The following SGCZ variants were observed in gnomAD, a reference collection of about 807,000 sequenced individuals.
The protein encoded by SGCZ is sarcoglycan zeta.
Under a neutral mutation model 41.3 loss-of-function variants are expected in SGCZ, and 40 were observed. That is an observed-to-expected ratio of 0.97 (90% CI 0.75 to 1.26). The LOEUF (loss-of-function observed/expected upper bound fraction) is 1.26. Among genes scored for constraint, SGCZ ranks in the 50% most tolerant of loss-of-function variants. SGCZ has a pLI of 0.00. For missense variants in SGCZ, 552 were observed against 369.8 expected (o/e 1.49, Z -4.04); for synonymous variants, 206 against 137.5 (o/e 1.50, Z -3.49).
At chr8:14,406,364 C>T (rs1799212051) in intron 2 of SGCZ, among the ~76,000 whole-genome samples, 1 of 152,120 alleles carries the variant, frequency 6.6e-6, no homozygotes, top group Non-Finnish European at 1.5e-5. Flanking sequence ...TCACAGATGG[C>T]TGAAATTTTT....
At chr8:14,870,271 C>T (rs1354404602) in intron 1 of SGCZ, among the ~76,000 whole-genome samples, 1 of 152,054 alleles carries the variant, frequency 6.6e-6, no homozygotes, top group Non-Finnish European at 1.5e-5. Flanking sequence ...TACCACACAT[C>T]TACAACCATT....
intron 4 of SGCZ, among the ~76,000 whole-genome samples, chr8:14,184,961 T>C (rs1042890012): frequency 6.6e-6 from 1 of 152,256 alleles, no homozygotes; most frequent in African/African-American, 2.4e-5. Context: ...ATTATGTCTC[T>C]ATCGTCTAAT....
chr8:15,154,179 T>C (rs1015594211), intron 1 of SGCZ, among the ~76,000 whole-genome samples: 8 of 152,132 alleles, frequency 5.3e-5, no homozygotes, highest in African/African-American at 1.7e-4. Flanking sequence ...CAGTATCTGG[T>C]TTTTCTTTAT....
intron 1 of SGCZ, among the ~76,000 whole-genome samples, chr8:15,005,634 C>T (rs1802588021): frequency 9.7e-6 from 1 of 103,016 alleles, no homozygotes; most frequent in Admixed American, 1.1e-4. Flanking sequence ...ACCCGGCAAT[C>T]CCCCATTTTT....
At chr8:14,999,940 C>T (rs1006134952) in intron 1 of SGCZ, among the ~76,000 whole-genome samples, 4 of 152,082 alleles carry the variant, frequency 2.6e-5, no homozygotes, top group South Asian at 2.1e-4. Flanking sequence ...TGCCTTCTTC[C>T]GCCTACACCC....
At chr8:14,790,416 GT>G (rs1411172965) in intron 1 of SGCZ, among the ~76,000 whole-genome samples, 1 of 152,236 alleles carries the variant, frequency 6.6e-6, no homozygotes, top group Non-Finnish European at 1.5e-5. Flanking sequence ...AATGTACACT[GT>G]ATTTCAGTTG....
At chr8:14,444,581 A>G (rs1233243132) in intron 2 of SGCZ, among the ~76,000 whole-genome samples, 1 of 150,298 alleles carries the variant, frequency 6.7e-6, no homozygotes, top group African/African-American at 2.5e-5. Flanking sequence ...CAAACACCAC[A>G]TATTCTCACT....
chr8:15,141,696 G>A (rs575062624), intron 1 of SGCZ, among the ~76,000 whole-genome samples: 2 of 152,286 alleles, frequency 1.3e-5, no homozygotes, highest in African/African-American at 4.8e-5. Context: ...GAGGTCAGGA[G>A]ATCAAGAGCA....
intron 1 of SGCZ, among the ~76,000 whole-genome samples, chr8:14,620,138 A>G (rs1453429826): frequency 6.6e-6 from 1 of 152,156 alleles, no homozygotes; most frequent in East Asian, 1.9e-4. Flanking sequence ...AATACCACAC[A>G]TCTACAACCA....
intron 1 of SGCZ, among the ~76,000 whole-genome samples, chr8:15,155,462 C>A (rs573812165): frequency 1.3e-5 from 2 of 152,138 alleles, no homozygotes; most frequent in African/African-American, 4.8e-5. Flanking sequence ...CTATCTTGAC[C>A]TAGCAACTTC....
rs148487875 is a variant in SGCZ, at chr8:14,513,014, A to G, written c.234+41718T>C. ...GGGATATATGCGGGAAAGCTGATAAAGTTCCAAATCTTGTTCGTGCCTTGC... is the reference window on the plus strand; with the variant it reads ...GGGATATATGCGGGAAAGCTGATAAGGTTCCAAATCTTGTTCGTGCCTTGC... On this transcript the variant is annotated intron_variant, in intron 2 of 7. Transcript: ENST00000382080. 2.5e-3 allele frequency among the ~76,000 whole-genome samples: 377 copies of G among 152,266 alleles called. 2 individuals are homozygous for G. The highest frequency in any genetic ancestry group is 8.6e-3 in the African/African-American group (356 of 41,554).
chr8:14,473,727 G>A (rs1411689907), intron 2 of SGCZ, among the ~76,000 whole-genome samples: 2 of 152,042 alleles, frequency 1.3e-5, no homozygotes, highest in African/African-American at 4.8e-5. Flanking sequence ...CACGAGGTCA[G>A]GAGATCGAGA....
chr8:14,181,325 A>G (rs1248931313), intron 4 of SGCZ, among the ~76,000 whole-genome samples: 1 of 152,180 alleles, frequency 6.6e-6, no homozygotes, highest in Non-Finnish European at 1.5e-5. Flanking sequence ...ACCTCCCCCT[A>G]TCAAATGGTA....
chr8:14,421,574 A>C (rs1799638026), intron 2 of SGCZ, among the ~76,000 whole-genome samples: 1 of 152,078 alleles, frequency 6.6e-6, no homozygotes, highest in Non-Finnish European at 1.5e-5. Context: ...GGACACAATC[A>C]ACCTATGGTG....
At chr8:14,377,323 C>T (rs558374737) in intron 2 of SGCZ, among the ~76,000 whole-genome samples, 1 of 152,012 alleles carries the variant, frequency 6.6e-6, no homozygotes, top group Non-Finnish European at 1.5e-5. Context: ...GGTGTGCATG[C>T]AGAGGTACCC....
At chr8:14,493,355 C>CT (rs1563365484) in intron 2 of SGCZ, among the ~76,000 whole-genome samples, 1 of 66,242 alleles carries the variant, frequency 1.5e-5, no homozygotes, top group Non-Finnish European at 3.0e-5. Context: ...CACTATCATC[C>CT]TTTCTTTTTT....
At chr8:14,337,959 G>C (rs1210996783) in intron 2 of SGCZ, among the ~76,000 whole-genome samples, 1 of 152,154 alleles carries the variant, frequency 6.6e-6, no homozygotes, top group African/African-American at 2.4e-5. Flanking sequence ...CACATAGAAG[G>C]TTATAAGGAG....
intron 5 of SGCZ, among the ~76,000 whole-genome samples, chr8:14,125,291 C>T (rs1339042579): frequency 6.6e-6 from 1 of 151,960 alleles, no homozygotes; most frequent in Non-Finnish European, 1.5e-5. Context: ...TTCACAAGGT[C>T]AGGAGATCAA....
intron 1 of SGCZ, among the ~76,000 whole-genome samples, chr8:14,953,615 A>T (rs1406343669): frequency 6.6e-6 from 1 of 152,140 alleles, no homozygotes; most frequent in African/African-American, 2.4e-5. Context: ...CTGAAGACAG[A>T]TGTGTAGTTC....
Sources: gnomAD v4.1 joint callset for allele counts (sites outside exome capture counted in the v4.1 genomes callset) on GRCh38, gnomAD v4.1.1 for gene constraint, MANE v1.5 for transcripts, NCBI Gene and HGNC (gene_info 2026-07-23, HGNC 2026-07-21) for gene names.